UTS2B: variants seen among roughly 807,000 people sequenced by gnomAD.
UTS2B encodes urotensin 2B, also known as urotensin-2B.
A neutral mutation model predicts 19.2 loss-of-function variants in UTS2B; 21 were observed. That is an observed-to-expected ratio of 1.09 (90% CI 0.78 to 1.58). The LOEUF (loss-of-function observed/expected upper bound fraction) is 1.58, where lower values mean the gene tolerates loss of function less well. UTS2B is among the 40% of genes most tolerant of loss of function. The probability of loss-of-function intolerance (pLI) is 0.00; values close to 1 mark genes in which losing one functional copy is unlikely to be tolerated. For synonymous variants in UTS2B, 57 were observed against 50.2 expected, an observed-to-expected ratio of 1.14 and a Z score of -0.58; for missense variants, 138 against 130.3, an observed-to-expected ratio of 1.06 and a Z score of -0.29.
chr3:191,281,008 T>C (rs1338316985), intron 5 of UTS2B, among the ~76,000 whole-genome samples: 2 of 152,278 alleles, frequency 1.3e-5, no homozygotes, highest in Admixed American at 6.5e-5. Flanking sequence ...AAAATCCTCA[T>C]AAATAAATAA....
At chr3:191,334,407 T>C (rs1271349515), upstream of UTS2B, among the ~76,000 whole-genome samples, 1 of 152,192 alleles carries the variant, frequency 6.6e-6, no homozygotes, top group Non-Finnish European at 1.5e-5. Context: ...TTTAAACAGG[T>C]ACTTAACGGA....
chr3:191,325,523 A>G (rs755069023), intron 2 of UTS2B, among the ~76,000 whole-genome samples: 13 of 152,202 alleles, frequency 8.5e-5, no homozygotes, highest in Non-Finnish European at 1.2e-4. Context: ...AGTGAATTCC[A>G]TAGGGTGAGG....
intron 3 of UTS2B, among the ~76,000 whole-genome samples, chr3:191,312,433 T>C (rs1451162237): frequency 2.0e-5 from 3 of 152,188 alleles, no homozygotes; most frequent in Admixed American, 6.5e-5. Context: ...CTGATTCTGC[T>C]GGCCGTGACA....
rs953098383 is a variant in UTS2B, at chr3:191,316,431, CAAGA to C, written c.-581_-578del. ...TGCAGACCCAAAGAGTGAGCAGCAG[CAAGA>C]TTTACTGCAAAGAGCGAAAAAATAG... is the stretch of plus-strand genomic sequence containing the variant. On this transcript the variant is annotated 5_prime_UTR_variant, in exon 3 of 9. The change abolishes the stop of an existing upstream ORF in the 5' untranslated region. Transcript: ENST00000340524. 1 of 152,212 alleles carries C rather than the reference CAAGA, an allele frequency of 6.6e-6. No homozygotes were observed. The highest frequency in any genetic ancestry group is 2.4e-5 in the African/African-American group (1 of 41,424). The allele number at this position is 152,212 out of a possible 1,614,324, so 9.4% of individuals were successfully genotyped here. A position where few individuals can be genotyped will look rare whatever the true frequency, so the allele number is the denominator to read the frequency against.
At chr3:191,294,215 G>C (rs1455499246) in intron 4 of UTS2B, among the ~76,000 whole-genome samples, 1 of 151,944 alleles carries the variant, frequency 6.6e-6, no homozygotes, top group Non-Finnish European at 1.5e-5. Context: ...TTCTACCCTT[G>C]TATCACATGA....
At chr3:191,324,587 TATAAG>T (rs1560149004) in intron 2 of UTS2B, among the ~76,000 whole-genome samples, 1 of 152,186 alleles carries the variant, frequency 6.6e-6, no homozygotes, top group Admixed American at 6.5e-5. Context: ...CCTGCCACCA[TATAAG>T]ATGTCACTTT....
intron 2 of UTS2B, among the ~76,000 whole-genome samples, chr3:191,322,068 CTA>C (rs35626733): frequency 0.27 from 36,481 of 134,918 alleles, 4,922 homozygotes; most frequent in Non-Finnish European, 0.31. Context: ...GTGTGTGTGA[CTA>C]TATGTATATG....
At chr3:191,320,901 G>A (rs940212612) in intron 2 of UTS2B, among the ~76,000 whole-genome samples, 3 of 152,146 alleles carry the variant, frequency 2.0e-5, no homozygotes, top group African/African-American at 7.2e-5. Context: ...CAGTGCTGTG[G>A]TTTGAATGTG....
intron 4 of UTS2B, among the ~76,000 whole-genome samples, chr3:191,289,240 T>C (rs950066564): frequency 3.9e-5 from 6 of 152,016 alleles, no homozygotes; most frequent in African/African-American, 1.4e-4. Context: ...AAACCCCATC[T>C]CTACTAAAAA....
chr3:191,272,091 T>C (rs964852597), intron 8 of UTS2B, among the ~76,000 whole-genome samples: 1 of 152,236 alleles, frequency 6.6e-6, no homozygotes, highest in Admixed American at 6.5e-5. Context: ...CCACATAGTG[T>C]ATGCATGAAG....
At chr3:191,326,448 T>C (rs1717748475) in intron 2 of UTS2B, among the ~76,000 whole-genome samples, 1 of 152,200 alleles carries the variant, frequency 6.6e-6, no homozygotes, top group South Asian at 2.1e-4. Flanking sequence ...CATTTTATTG[T>C]TACCAAATTC....
At chr3:191,345,307 A>G in the UTS2B span, among the ~76,000 whole-genome samples, 9 of 152,332 alleles carry the variant, frequency 5.9e-5, no homozygotes, top group East Asian at 5.8e-4. Context: ...GAGGTTGTCC[A>G]TGTTTGCGGG....
At chr3:191,312,168 A>G (rs896888396) in intron 3 of UTS2B, among the ~76,000 whole-genome samples, 2 of 151,020 alleles carry the variant, frequency 1.3e-5, no homozygotes, top group African/African-American at 4.9e-5. Context: ...AAAAAAAAAA[A>G]GGCATCTCCA....
chr3:191,306,906 A>G (rs1717156007), intron 3 of UTS2B, among the ~76,000 whole-genome samples: 1 of 152,180 alleles, frequency 6.6e-6, no homozygotes, highest in African/African-American at 2.4e-5. Flanking sequence ...TGCTGGGATT[A>G]TAGGCGTGAT....
At position 191,275,359 on chromosome 3, in the gene UTS2B, A is replaced by T; in HGVS notation, c.241-14T>A. ...TAGCTTTTCCAGCTGATAAAATTGT[A>T]AAATGATAATTAATTGGTCTTCTAT... On this transcript the variant is annotated splice_polypyrimidine_tract_variant and intron_variant, in intron 7 of 8. Coordinates refer to ENST00000340524, the MANE Select transcript of UTS2B (RefSeq NM_198152.5). The T allele has an allele frequency of 1.2e-6, 2 of 1,604,006 alleles. No individual in the cohort carries two copies. The highest frequency in any genetic ancestry group is 1.7e-6 in the Non-Finnish European group (2 of 1,171,032).
intron 1 of UTS2B, chr3:191,329,760 C>T (rs1444019998): frequency 1.9e-6 from 3 of 1,593,456 alleles, no homozygotes; most frequent in African/African-American, 1.3e-5. Flanking sequence ...GGGACCCTCC[C>T]CTCTCCCAGC....
intron 5 of UTS2B, among the ~76,000 whole-genome samples, 164 bp from the exon 6 acceptor site, chr3:191,278,334 T>C (rs907450393): frequency 2.0e-5 from 3 of 151,980 alleles, no homozygotes; most frequent in Non-Finnish European, 4.4e-5. Flanking sequence ...ATTGAATATA[T>C]ATTGAATGAA....
chr3:191,338,316 A>G, the UTS2B span, among the ~76,000 whole-genome samples: 2 of 152,322 alleles, frequency 1.3e-5, no homozygotes, highest in East Asian at 1.9e-4. Flanking sequence ...CTGTGTAAAT[A>G]TCGAATACAA....
the UTS2B span, among the ~76,000 whole-genome samples, chr3:191,340,341 G>C: frequency 1.1e-4 from 17 of 152,170 alleles, no homozygotes; most frequent in Non-Finnish European, 2.1e-4. Context: ...TGTAAATTGG[G>C]CAAGTAAATC....
Sources: allele counts gnomAD v4.1 joint callset (sites outside exome capture counted in the v4.1 genomes callset), GRCh38; gene constraint gnomAD v4.1.1; transcripts MANE v1.5; gene names NCBI Gene and HGNC (gene_info 2026-07-23, HGNC 2026-07-21).